TMEM131: variants seen among roughly 807,000 people sequenced by gnomAD.
The protein encoded by TMEM131 is transmembrane protein 131.
Under a neutral mutation model 211.6 loss-of-function variants are expected in TMEM131, and 66 were observed. The ratio of observed to expected loss-of-function variants is 0.31; its 90% CI spans 0.26 to 0.38. The LOEUF is 0.38. TMEM131 is among the 10% of genes least tolerant of loss of function. The probability of loss-of-function intolerance (pLI) is 1.00; values close to 1 mark genes in which losing one functional copy is unlikely to be tolerated. For synonymous variants in TMEM131, 844 were observed against 841.3 expected, an observed-to-expected ratio of 1.00 and a Z score of -0.06; for missense variants, 2,036 against 2,299.3, an observed-to-expected ratio of 0.89 and a Z score of 2.34.
chr2:97,937,766 C>A (rs1677512786), intron 1 of TMEM131, among the ~76,000 whole-genome samples: 1 of 152,106 alleles, frequency 6.6e-6, no homozygotes, highest in Non-Finnish European at 1.5e-5. Context: ...TTGGAGAATT[C>A]AATATCCCAC....
At chr2:97,932,024 GATAAGA>G (rs1677243188) in intron 1 of TMEM131, among the ~76,000 whole-genome samples, 1 of 146,028 alleles carries the variant, frequency 6.8e-6, no homozygotes, top group African/African-American at 2.8e-5. Flanking sequence ...AAAAACATAA[GATAAGA>G]AATTCTGGTT....
chr2:97,773,373 C>A (rs770072688), intron 32 of TMEM131, among the ~76,000 whole-genome samples: 1 of 152,134 alleles, frequency 6.6e-6, no homozygotes, highest in African/African-American at 2.4e-5. Context: ...GGGAGACACA[C>A]GACAGACGCC....
intron 38 of TMEM131, 106 bp downstream of exon 38, chr2:97,760,487 G>A: frequency 9.2e-7 from 1 of 1,085,316 alleles, no homozygotes; most frequent in South Asian, 1.4e-5. Flanking sequence ...ATGCCTCCTT[G>A]TAAATTAGGG....
chr2:97,991,367 G>T (rs1261281184), intron 1 of TMEM131, among the ~76,000 whole-genome samples: 1 of 152,210 alleles, frequency 6.6e-6, no homozygotes, highest in African/African-American at 2.4e-5. Flanking sequence ...TAGGAGAGAG[G>T]CTGCTGCAGT....
At chr2:97,777,252 C>T (rs1345203564) in intron 31 of TMEM131, among the ~76,000 whole-genome samples, 20 of 152,208 alleles carry the variant, frequency 1.3e-4, no homozygotes, top group Admixed American at 1.3e-3. Context: ...CATTTTAACC[C>T]AGTCTGTACG....
Position 97,814,374 on chromosome 2 carries a change from T to A in TMEM131, c.1307A>T (p.Asp436Val), listed in dbSNP as rs200161087. 5.1e-4 allele frequency: 810 copies of A among 1,602,582 alleles called. No individual in the cohort carries two copies. Among genetic ancestry groups the A allele is most frequent in the South Asian group, 6.7e-4 (59 of 88,248 alleles). The change falls in exon 14 of 41, where the codon GAT (aspartate) becomes GTT (valine). Residue 436 changes from aspartate to valine, a missense_variant. Physicochemically the swap from Asp to Val is radical, Grantham distance 152. This residue lies in a region of TMEM131 where 1,623 missense variants were observed against 1,805.9 expected (regional missense o/e 0.90). Coordinates refer to ENST00000186436, the MANE Select transcript of TMEM131 (RefSeq NM_015348.2). ...GATGTGAAATAATGTTGCAGCATGA[T>A]CAAATCCCAAATAACTATTAAAAAA... is the stretch of plus-strand genomic sequence containing the variant. ...AEVLDGYLGF[D>V]HAATLFHIRD...
intron 7 of TMEM131, 47 bp from the exon 8 acceptor site, chr2:97,837,204 A>C: frequency 2.7e-4 from 369 of 1,383,884 alleles, no homozygotes; most frequent in Non-Finnish European, 3.3e-4. Context: ...TCATATTCTC[A>C]AAGCAGGTGA....
At chr2:97,854,476 G>A (rs140169044) in intron 5 of TMEM131, among the ~76,000 whole-genome samples, 2 of 152,056 alleles carry the variant, frequency 1.3e-5, no homozygotes, top group South Asian at 2.1e-4. Flanking sequence ...GTACCACTCT[G>A]GTCAGAGTAA....
chr2:97,846,987 T>TG (rs1233450903), intron 5 of TMEM131, among the ~76,000 whole-genome samples: 1 of 147,676 alleles, frequency 6.8e-6, no homozygotes, highest in Admixed American at 7.0e-5. Flanking sequence ...GAGACCATCC[T>TG]GGCCAACATG....
rs150323012 is a variant in TMEM131, at chr2:97,989,924, ACTT to A, written c.187+5549_187+5551del. Among the ~76,000 whole-genome samples, 491 of 152,348 alleles carry A rather than the reference ACTT, an allele frequency of 3.2e-3. 7 individuals are homozygous for A. The East Asian group carries it at 0.041, about 13-fold the overall frequency. The stretch of plus-strand genomic sequence containing the variant: ...CCTAATAAGAACAAAGCACCTTTGA[ACTT>A]CTTCTGGAGCCCTTGGACCTCTAAT... On this transcript the variant is annotated intron_variant, in intron 1 of 40. Transcript: ENST00000186436.
chr2:97,803,599 A>G (rs971182278), intron 22 of TMEM131, among the ~76,000 whole-genome samples: 1 of 152,220 alleles, frequency 6.6e-6, no homozygotes, highest in Non-Finnish European at 1.5e-5. Context: ...TAATACTGGT[A>G]AGAGTACAAG....
intron 3 of TMEM131, among the ~76,000 whole-genome samples, chr2:97,890,358 C>G (rs1477849764): frequency 6.6e-6 from 1 of 152,106 alleles, no homozygotes; most frequent in African/African-American, 2.4e-5. Flanking sequence ...GGGAGAGTAG[C>G]GAGCAGTGGC....
intron 2 of TMEM131, among the ~76,000 whole-genome samples, chr2:97,924,036 C>G (rs890073485): frequency 2.6e-5 from 4 of 151,776 alleles, no homozygotes; most frequent in African/African-American, 9.7e-5. Flanking sequence ...GCCGAGACTG[C>G]GCCACCGCGC....
chr2:97,958,366 A>T (rs1471337871), intron 1 of TMEM131, among the ~76,000 whole-genome samples: 1 of 152,210 alleles, frequency 6.6e-6, no homozygotes, highest in Non-Finnish European at 1.5e-5. Context: ...ACGACCTTCC[A>T]ATACTTAGAA....
intron 1 of TMEM131, among the ~76,000 whole-genome samples, chr2:97,974,119 T>C (rs1679421028): frequency 6.6e-6 from 1 of 152,106 alleles, no homozygotes; most frequent in Non-Finnish European, 1.5e-5. Context: ...GTGTTCCATA[T>C]GTTCAAAAAG....
At chr2:97,772,592 T>G (rs1679519445) in intron 32 of TMEM131, among the ~76,000 whole-genome samples, 168 bp from the exon 33 acceptor site, 1 of 152,268 alleles carries the variant, frequency 6.6e-6, no homozygotes, top group Non-Finnish European at 1.5e-5. Flanking sequence ...TGTCAATTTT[T>G]TGGCCTTCTT....
At chr2:97,800,682 G>A (rs577121528) in intron 25 of TMEM131, among the ~76,000 whole-genome samples, 3 of 151,870 alleles carry the variant, frequency 2.0e-5, no homozygotes, top group East Asian at 1.9e-4. Flanking sequence ...GCACAAACCC[G>A]GGCAGCAGAG....
chr2:97,856,966 A>G (rs903071587), intron 5 of TMEM131, among the ~76,000 whole-genome samples: 7 of 152,228 alleles, frequency 4.6e-5, no homozygotes, highest in African/African-American at 1.7e-4. Context: ...TGACAGCACA[A>G]AACAGATTGG....
At chr2:97,905,051 T>C (rs1266684925) in intron 3 of TMEM131, among the ~76,000 whole-genome samples, 1 of 152,204 alleles carries the variant, frequency 6.6e-6, no homozygotes, top group Non-Finnish European at 1.5e-5. Flanking sequence ...TTTTTCCACA[T>C]ATTTTTGCCT....
Sources: allele counts gnomAD v4.1 joint callset (sites outside exome capture counted in the v4.1 genomes callset), GRCh38; gene constraint gnomAD v4.1.1; regional missense constraint gnomAD v4.1.1; transcripts MANE v1.5; gene names NCBI Gene and HGNC (gene_info 2026-07-23, HGNC 2026-07-21).